Variants in SYN2 observed in about 807,000 individuals in gnomAD.
SYN2 encodes the protein synapsin II, also known as synapsin-2.
Under a neutral mutation model 50.9 loss-of-function variants are expected in SYN2, and 19 were observed. The observed-to-expected ratio is 0.37, with a 90% CI of 0.26 to 0.55. The LOEUF (loss-of-function observed/expected upper bound fraction) is 0.55, where lower values mean the gene tolerates loss of function less well. Ranked by LOEUF, SYN2 falls within the 20% of genes least tolerant of loss-of-function variation. The pLI is 0.81. For missense variants in SYN2, 587 were observed against 576.4 expected (o/e 1.02, Z -0.19); for synonymous variants, 255 against 224.9 (o/e 1.13, Z -1.20).
chr3:12,107,139 A>G (rs575818832), intron 1 of SYN2, among the ~76,000 whole-genome samples: 13 of 152,226 alleles, frequency 8.5e-5, no homozygotes, highest in Non-Finnish European at 4.4e-5. Context: ...TCATATAATC[A>G]TGTGCCTTAT....
intron 1 of SYN2, among the ~76,000 whole-genome samples, chr3:12,044,181 TCACACACACA>T (rs1553610019): frequency 4.0e-3 from 214 of 53,398 alleles, no homozygotes; most frequent in African/African-American, 9.1e-3. Flanking sequence ...TCTCTCTCTC[TCACACACACA>T]CACACACACA....
intron 1 of SYN2, among the ~76,000 whole-genome samples, chr3:12,077,048 A>C (rs1476801310): frequency 2.6e-5 from 4 of 151,986 alleles, no homozygotes; most frequent in Admixed American, 1.3e-4. Flanking sequence ...TTCCTCCCTG[A>C]TTTTTTCCTG....
rs571017281 is a variant in SYN2, at chr3:12,053,545, C to G, written c.377+48617C>G. ...CTCACAGCCCCCCTCTACACTCCAT[C>G]TATCAAACATAATTATTCTGTAATT... is the stretch of plus-strand genomic sequence containing the variant. On this transcript the variant is annotated intron_variant, in intron 1 of 12. Coordinates refer to ENST00000621198, the MANE Select transcript of SYN2 (RefSeq NM_133625.6). 3.9e-5 allele frequency among the ~76,000 whole-genome samples: 6 copies of G among 152,258 alleles called. No individual in the cohort carries two copies. The South Asian group carries it at 1.2e-3, about 32-fold the overall frequency.
chr3:12,101,746 T>G (rs1039656528), intron 1 of SYN2, among the ~76,000 whole-genome samples: 2 of 152,176 alleles, frequency 1.3e-5, no homozygotes, highest in African/African-American at 2.4e-5. Context: ...TAGACTATAG[T>G]GTAAACATCC....
intron 1 of SYN2, among the ~76,000 whole-genome samples, chr3:12,026,351 G>A (rs190148595): frequency 6.6e-6 from 1 of 151,662 alleles, no homozygotes. Context: ...TATCAACTTC[G>A]TGAAAGATCA....
intron 1 of SYN2, among the ~76,000 whole-genome samples, chr3:12,022,179 G>C (rs1005840815): frequency 6.6e-6 from 1 of 152,060 alleles, no homozygotes; most frequent in African/African-American, 2.4e-5. Context: ...TCAGGGCAAA[G>C]GCCATGCTTT....
chr3:12,044,181 T>TCTCTCTCTCTCACACACACACA (rs573246278), intron 1 of SYN2, among the ~76,000 whole-genome samples: 13 of 53,394 alleles, frequency 2.4e-4, no homozygotes, highest in African/African-American at 6.0e-4. Flanking sequence ...TCTCTCTCTC[T>TCTCTCTCTCTCACACACACACA]CACACACACA....
chr3:12,163,512 G>C (rs1697708099), intron 7 of SYN2, among the ~76,000 whole-genome samples: 1 of 151,098 alleles, frequency 6.6e-6, no homozygotes, highest in Non-Finnish European at 1.5e-5. Flanking sequence ...GTTAGCACTT[G>C]CCACACATGT....
chr3:12,092,440 A>G (rs768033573), intron 1 of SYN2, among the ~76,000 whole-genome samples: 2 of 152,214 alleles, frequency 1.3e-5, no homozygotes, highest in Non-Finnish European at 2.9e-5. Context: ...AGGCTTGTAT[A>G]GAGAGGTATG....
At chr3:12,036,665 T>C (rs1306045143) in intron 1 of SYN2, among the ~76,000 whole-genome samples, 1 of 152,192 alleles carries the variant, frequency 6.6e-6, no homozygotes, top group Non-Finnish European at 1.5e-5. Context: ...ATCTCTGAAA[T>C]GCCTTCCGGG....
intron 1 of SYN2, among the ~76,000 whole-genome samples, chr3:12,060,380 C>G (rs1014104392): frequency 8.5e-5 from 13 of 152,146 alleles, no homozygotes; most frequent in African/African-American, 3.1e-4. Context: ...GAAAAGACTA[C>G]CAGAGTCTTA....
At chr3:12,026,739 T>C (rs1398271931) in intron 1 of SYN2, among the ~76,000 whole-genome samples, 1 of 152,178 alleles carries the variant, frequency 6.6e-6, no homozygotes, top group Non-Finnish European at 1.5e-5. Flanking sequence ...TGAGCCACTT[T>C]GTAAAGAGAC....
chr3:12,064,911 A>G (rs559890059), intron 1 of SYN2, among the ~76,000 whole-genome samples: 6 of 152,278 alleles, frequency 3.9e-5, no homozygotes, highest in African/African-American at 1.2e-4. Context: ...TCACCCAACA[A>G]CTTGTACACA....
rs2125224848 is a variant in SYN2, at chr3:12,151,151, TG to T, written c.685-85del. ...AGCATAAAGTCCTCCACAGAGCAAATGCTCAATAAATATTTGATGAGTTGAT... is the reference window on the plus strand; with the variant it reads ...AGCATAAAGTCCTCCACAGAGCAAATCTCAATAAATATTTGATGAGTTGAT... On this transcript the variant is annotated intron_variant, in intron 4 of 12. Coordinates refer to ENST00000621198, the MANE Select transcript of SYN2 (RefSeq NM_133625.6). 3.2e-6 allele frequency: 3 copies of T among 951,624 alleles called. 1 individual carries two copies. The South Asian group carries it at 4.2e-5, about 13-fold the overall frequency. The allele number at this position is 951,624 out of a possible 1,614,324, so 58.9% of individuals were successfully genotyped here. A position where few individuals can be genotyped will look rare whatever the true frequency, so the allele number is the denominator to read the frequency against.
At chr3:12,085,367 A>G (rs57092564) in intron 1 of SYN2, among the ~76,000 whole-genome samples, 2 of 139,184 alleles carry the variant, frequency 1.4e-5, no homozygotes, top group African/African-American at 2.9e-5. Flanking sequence ...ACACACACAC[A>G]CACACACACA....
At chr3:12,084,323 T>C (rs551698741) in intron 1 of SYN2, among the ~76,000 whole-genome samples, 8 of 152,290 alleles carry the variant, frequency 5.3e-5, no homozygotes, top group Admixed American at 3.9e-4. Context: ...GCAGATGCTC[T>C]TGGGAAATGT....
At chr3:12,052,327 G>A (rs1032071419) in intron 1 of SYN2, among the ~76,000 whole-genome samples, 9 of 150,742 alleles carry the variant, frequency 6.0e-5, no homozygotes, top group Admixed American at 5.3e-4. Flanking sequence ...TGCACCTACT[G>A]CCTGATAGGA....
At chr3:12,118,498 A>G (rs1696483451) in intron 1 of SYN2, among the ~76,000 whole-genome samples, 1 of 152,230 alleles carries the variant, frequency 6.6e-6, no homozygotes, top group Admixed American at 6.5e-5. Flanking sequence ...GGAAAAGCTT[A>G]CTGAAAGTAC....
chr3:12,118,741 T>G (rs1696487709), intron 1 of SYN2, among the ~76,000 whole-genome samples: 1 of 152,154 alleles, frequency 6.6e-6, no homozygotes, highest in East Asian at 1.9e-4. Context: ...TTATTGGGCT[T>G]GGCAAAAGTT....
Sources: gnomAD v4.1 joint callset for allele counts (sites outside exome capture counted in the v4.1 genomes callset) on GRCh38, gnomAD v4.1.1 for gene constraint, MANE v1.5 for transcripts, NCBI Gene and HGNC (gene_info 2026-07-23, HGNC 2026-07-21) for gene names.